SHISA9: variants seen among roughly 807,000 people sequenced by gnomAD.
SHISA9 encodes the protein shisa family member 9, also known as protein shisa-9.
In SHISA9, 13 loss-of-function variants were observed where a neutral mutation model predicts 38.0. That is an observed-to-expected ratio of 0.34 (90% confidence interval 0.22 to 0.54). The LOEUF (loss-of-function observed/expected upper bound fraction) is 0.54, where lower values mean the gene tolerates loss of function less well. Ranked by LOEUF, SHISA9 falls within the 20% of genes least tolerant of loss-of-function variation. The pLI is 0.91. For missense variants in SHISA9, 538 were observed against 575.8 expected (o/e 0.93, Z 0.67); for synonymous variants, 275 against 242.0 (o/e 1.14, Z -1.27).
At chr16:13,387,869 C>G in the SHISA9 span, among the ~76,000 whole-genome samples, 1 of 152,024 alleles carries the variant, frequency 6.6e-6, no homozygotes, top group African/African-American at 2.4e-5. Context: ...CTCAGTAGTT[C>G]TCCACCATTG....
chr16:13,329,303 A>G, the SHISA9 span, among the ~76,000 whole-genome samples: 3 of 151,966 alleles, frequency 2.0e-5, no homozygotes, highest in South Asian at 4.2e-4. Context: ...TCTTTCTTCT[A>G]TTAAACCTCC....
chr16:13,243,194 C>T (rs540474870), downstream of SHISA9, among the ~76,000 whole-genome samples: 2 of 151,616 alleles, frequency 1.3e-5, no homozygotes, highest in African/African-American at 2.4e-5. Context: ...GAGCCGAGAT[C>T]GCGCCACTGC....
chr16:13,052,029 C>A (rs61328890), intron 2 of SHISA9, among the ~76,000 whole-genome samples: 9,537 of 152,212 alleles, frequency 0.063, 610 homozygotes, highest in East Asian at 0.17. Context: ...TCCCAAAGTA[C>A]TGGGATTATA....
intron 2 of SHISA9, among the ~76,000 whole-genome samples, chr16:13,065,313 C>A (rs1480813007): frequency 2.0e-5 from 3 of 152,166 alleles, no homozygotes; most frequent in Non-Finnish European, 4.4e-5. Flanking sequence ...CTTTCAAACC[C>A]ATCTCCTTAC....
At chr16:13,036,411 A>G (rs2073063951) in intron 2 of SHISA9, among the ~76,000 whole-genome samples, 2 of 152,222 alleles carry the variant, frequency 1.3e-5, no homozygotes, top group South Asian at 2.1e-4. Flanking sequence ...TTTGAAATCT[A>G]GAAATGACAA....
chr16:13,114,461 A>G (rs183592488), intron 2 of SHISA9, among the ~76,000 whole-genome samples: 2,610 of 132,914 alleles, frequency 0.02, 93 homozygotes, highest in African/African-American at 0.075. Flanking sequence ...GTGAGATTCC[A>G]TCTCAAAAAA....
At chr16:13,441,311 G>A in the SHISA9 span, among the ~76,000 whole-genome samples, 1 of 152,186 alleles carries the variant, frequency 6.6e-6, no homozygotes, top group Admixed American at 6.5e-5. Context: ...GGTTCCTGGA[G>A]TCACCAAATC....
At chr16:13,551,073 G>A in the SHISA9 span, among the ~76,000 whole-genome samples, 37 of 151,006 alleles carry the variant, frequency 2.5e-4, no homozygotes, top group Non-Finnish European at 4.7e-4. Context: ...GCAGTGAGCC[G>A]AGATCACGCC....
At chr16:13,001,286 GC>G (rs2072522177) in intron 2 of SHISA9, among the ~76,000 whole-genome samples, 2 of 152,134 alleles carry the variant, frequency 1.3e-5, no homozygotes, top group Admixed American at 1.3e-4. Context: ...ACTCCAGATC[GC>G]CACAATAATT....
At chr16:13,495,628 A>T in the SHISA9 span, among the ~76,000 whole-genome samples, 1 of 152,014 alleles carries the variant, frequency 6.6e-6, no homozygotes, top group Non-Finnish European at 1.5e-5. Context: ...TCTGAAAAGA[A>T]CTTATCATTT....
intron 2 of SHISA9, among the ~76,000 whole-genome samples, chr16:12,967,479 C>T (rs1423642434): frequency 6.6e-6 from 1 of 151,938 alleles, no homozygotes; most frequent in African/African-American, 2.4e-5. Context: ...TTAATGGGTG[C>T]AGCACACCAA....
chr16:13,002,896 A>G (rs1319775195), intron 2 of SHISA9, among the ~76,000 whole-genome samples: 1 of 152,096 alleles, frequency 6.6e-6, no homozygotes, highest in African/African-American at 2.4e-5. Context: ...TTGTCAAGCA[A>G]GTATTTAATT....
At chr16:13,018,842 A>G (rs2072787901) in intron 2 of SHISA9, among the ~76,000 whole-genome samples, 1 of 152,166 alleles carries the variant, frequency 6.6e-6, no homozygotes, top group Non-Finnish European at 1.5e-5. Context: ...TGTGTGCCAG[A>G]GCCTATGTGT....
intron 2 of SHISA9, among the ~76,000 whole-genome samples, chr16:13,126,855 AAG>A (rs1398397438): frequency 1.9e-5 from 2 of 105,806 alleles, no homozygotes; most frequent in Admixed American, 9.5e-5. Flanking sequence ...GAGGGAAAGA[AAG>A]AGAGAGCTGA....
At chr16:13,194,252 A>G (rs944610936) in intron 2 of SHISA9, among the ~76,000 whole-genome samples, 1 of 152,182 alleles carries the variant, frequency 6.6e-6, no homozygotes, top group Non-Finnish European at 1.5e-5. Context: ...TCCAAAGACA[A>G]ATGTCTTCCA....
At chr16:13,082,664 TGTACAG>T (rs1465967327) in intron 2 of SHISA9, 3 of 152,112 alleles carry the variant, frequency 2.0e-5, no homozygotes, top group African/African-American at 7.2e-5. Flanking sequence ...CTAAGATTGG[TGTACAG>T]GTAAGTTCCC....
the SHISA9 span, among the ~76,000 whole-genome samples, chr16:13,415,012 A>G: frequency 1.3e-5 from 2 of 152,224 alleles, no homozygotes; most frequent in Non-Finnish European, 2.9e-5. Flanking sequence ...TGGATTGGCT[A>G]TAGCTCACTG....
At chr16:13,072,531 G>T (rs1322755963) in intron 2 of SHISA9, among the ~76,000 whole-genome samples, 1 of 152,194 alleles carries the variant, frequency 6.6e-6, no homozygotes, top group East Asian at 1.9e-4. Flanking sequence ...GAGCAGAATC[G>T]CTGAGTTGCT....
At chr16:13,138,659 A>T (rs934865760) in intron 2 of SHISA9, among the ~76,000 whole-genome samples, 1 of 152,182 alleles carries the variant, frequency 6.6e-6, no homozygotes, top group Non-Finnish European at 1.5e-5. Flanking sequence ...TTATGGATGG[A>T]TGTCTCACAA....
Sources: allele counts gnomAD v4.1 joint callset (sites outside exome capture counted in the v4.1 genomes callset), GRCh38; gene constraint gnomAD v4.1.1; transcripts MANE v1.5; gene names NCBI Gene and HGNC (gene_info 2026-07-23, HGNC 2026-07-21).